Variants in PRKCQ observed in about 807,000 individuals in gnomAD.
PRKCQ encodes protein kinase C theta, also known as protein kinase C theta type.
PRKCQ carries 41 observed loss-of-function variants against 91.2 expected under a neutral mutation model. The observed-to-expected ratio is 0.45, with a 90% CI of 0.35 to 0.58. The LOEUF is 0.58. PRKCQ is among the 20% of genes least tolerant of loss of function. The probability of loss-of-function intolerance (pLI) is 0.00; values close to 1 mark genes in which losing one functional copy is unlikely to be tolerated. For missense variants in PRKCQ, 673 were observed against 896.5 expected (o/e 0.75, Z 3.18); for synonymous variants, 307 against 316.9 (o/e 0.97, Z 0.33).
rs532939488 is a variant in PRKCQ, at chr10:6,506,596, G to C, written c.379+840C>G. On this transcript the variant is annotated intron_variant, in intron 4 of 17. Transcript: ENST00000263125. ...GCCTCAATATCATCAAATATCTAGT[G>C]AGTGTTCAAGTTTTCTATGATTATT... Among the ~76,000 whole-genome samples the C allele has an allele frequency of 5.3e-5, 8 of 152,224 alleles. No homozygotes were observed. The South Asian group carries it at 1.7e-3, about 32-fold the overall frequency.
At chr10:6,442,683 C>G (rs6602699) in intron 15 of PRKCQ, among the ~76,000 whole-genome samples, 1 of 151,988 alleles carries the variant, frequency 6.6e-6, no homozygotes, top group South Asian at 2.1e-4. Context: ...AAATCTAGGC[C>G]GGGTGCAGTG....
At chr10:6,453,697 TA>T (rs1347223780) in intron 15 of PRKCQ, among the ~76,000 whole-genome samples, 1 of 151,792 alleles carries the variant, frequency 6.6e-6, no homozygotes, top group Admixed American at 6.6e-5. Flanking sequence ...TAGACTGGAT[TA>T]AGAAAATGTG....
chr10:6,486,204 T>G (rs541370572), intron 8 of PRKCQ, 60 bp from the exon 9 acceptor site: 18 of 1,397,988 alleles, frequency 1.3e-5, no homozygotes, highest in Middle Eastern at 1.8e-4. Context: ...GCTAAACAAC[T>G]CTCTCTGGAG....
downstream of PRKCQ, among the ~76,000 whole-genome samples, chr10:6,423,905 C>A (rs953459810): frequency 1.3e-5 from 2 of 152,156 alleles, no homozygotes; most frequent in Non-Finnish European, 2.9e-5. Context: ...CCCACACAGA[C>A]AGAGGATTGT....
chr10:6,447,639 T>C (rs901346362), intron 15 of PRKCQ, among the ~76,000 whole-genome samples: 1 of 152,172 alleles, frequency 6.6e-6, no homozygotes, highest in African/African-American at 2.4e-5. Context: ...CTCCTGACTC[T>C]GCTACGAAAT....
rs372336506 is a variant in PRKCQ at position 6,490,768 on chromosome 10, A to T, written c.790+915T>A. ...CCCTGTCTCAGAAAAAAAGTAAAAG[A>T]AGAAGAAAAAAATCAGAAGCTGTCT... On this transcript the variant is annotated intron_variant, in intron 8 of 17. Transcript: ENST00000263125. 5.9e-5 allele frequency among the ~76,000 whole-genome samples: 9 copies of T among 152,028 alleles called. No individual in the cohort carries two copies. The South Asian group carries it at 1.9e-3, about 32-fold the overall frequency.
intron 1 of PRKCQ, among the ~76,000 whole-genome samples, chr10:6,556,434 GAAA>G (rs919270279): frequency 4.9e-4 from 6 of 12,312 alleles, no homozygotes; most frequent in South Asian, 4.2e-3. Context: ...CCTGTCTTGG[GAAA>G]AAAAAAAAAA....
chr10:6,512,371 G>C (rs1223145482), intron 2 of PRKCQ, among the ~76,000 whole-genome samples: 1 of 152,258 alleles, frequency 6.6e-6, no homozygotes, highest in Non-Finnish European at 1.5e-5. Context: ...AGTAAAGGCA[G>C]GTAGGCAGGA....
intron 15 of PRKCQ, among the ~76,000 whole-genome samples, chr10:6,454,287 G>T (rs1415306973): frequency 1.3e-5 from 2 of 152,138 alleles, no homozygotes; most frequent in Non-Finnish European, 2.9e-5. Flanking sequence ...GGTGATGGAT[G>T]ATAAGGGAGG....
rs190242783 is a variant in PRKCQ, at chr10:6,546,206, T to G, written c.-9-31062A>C. Among the ~76,000 whole-genome samples the G allele has an allele frequency of 3.2e-3, 493 of 152,260 alleles. 1 individual carries two copies. The highest frequency in any genetic ancestry group is 5.3e-3 in the Non-Finnish European group (358 of 68,028). ...GTGTACAGGCCCTGATGTTTATTAT[T>G]TTTGTTACCTGCCTCCTGTTTTTGT... On this transcript the variant is annotated intron_variant, in intron 1 of 17. Coordinates refer to ENST00000263125, the MANE Select transcript of PRKCQ (RefSeq NM_006257.5).
chr10:6,501,767 C>T (rs556999496), intron 4 of PRKCQ, among the ~76,000 whole-genome samples: 110 of 151,478 alleles, frequency 7.3e-4, no homozygotes, highest in Middle Eastern at 3.4e-3. Context: ...GAGGTTGCGG[C>T]GAGCCAACAT....
chr10:6,432,641 C>G (rs1219465812), intron 16 of PRKCQ, among the ~76,000 whole-genome samples: 1 of 152,140 alleles, frequency 6.6e-6, no homozygotes, highest in East Asian at 1.9e-4. Context: ...TTTTCTGAGT[C>G]TCAGTTTCCT....
chr10:6,535,598 C>T (rs764598146), intron 1 of PRKCQ, among the ~76,000 whole-genome samples: 4 of 152,172 alleles, frequency 2.6e-5, no homozygotes, highest in South Asian at 2.1e-4. Context: ...AGGAATTCCC[C>T]AAAACCAAAG....
intron 1 of PRKCQ, among the ~76,000 whole-genome samples, chr10:6,570,516 C>A (rs1263746263): frequency 1.3e-5 from 2 of 150,672 alleles, no homozygotes; most frequent in Non-Finnish European, 2.9e-5. Flanking sequence ...TCCAGGGCCC[C>A]AGGGGAGGTG....
At chr10:6,433,380 C>T (rs556660093) in intron 16 of PRKCQ, among the ~76,000 whole-genome samples, 38 of 152,170 alleles carry the variant, frequency 2.5e-4, no homozygotes, top group Non-Finnish European at 5.0e-4. Context: ...CTCTGGAGGC[C>T]GGGCACCATT....
chr10:6,454,994 AGACAG>A (rs1174113170), intron 15 of PRKCQ, among the ~76,000 whole-genome samples: 4 of 152,216 alleles, frequency 2.6e-5, no homozygotes, highest in Non-Finnish European at 5.9e-5. Flanking sequence ...CAAAATCTGT[AGACAG>A]GAATACATCA....
intron 1 of PRKCQ, among the ~76,000 whole-genome samples, chr10:6,555,110 G>C (rs1012215565): frequency 1.3e-5 from 2 of 151,128 alleles, no homozygotes; most frequent in African/African-American, 4.9e-5. Flanking sequence ...GGCAACGATA[G>C]ATACTGGGGA....
intron 3 of PRKCQ, among the ~76,000 whole-genome samples, chr10:6,509,077 AT>A (rs1838340465): frequency 6.6e-6 from 1 of 152,318 alleles, no homozygotes; most frequent in South Asian, 2.1e-4. Context: ...TGGCAAAAAA[AT>A]AAAAAAGAAA....
At chr10:6,449,996 C>T (rs894672205) in intron 15 of PRKCQ, among the ~76,000 whole-genome samples, 1 of 151,878 alleles carries the variant, frequency 6.6e-6, no homozygotes, top group African/African-American at 2.4e-5. Context: ...AATGTAAAGA[C>T]CATCAAGACT....
Sources: gnomAD v4.1 joint callset for allele counts (sites outside exome capture counted in the v4.1 genomes callset) on GRCh38, gnomAD v4.1.1 for gene constraint, MANE v1.5 for transcripts, NCBI Gene and HGNC (gene_info 2026-07-23, HGNC 2026-07-21) for gene names.